The following XRCC3 variants were observed in gnomAD, a reference collection of about 807,000 sequenced individuals.
XRCC3 encodes X-ray repair cross complementing 3, also known as DNA repair protein XRCC3.
Under a neutral mutation model 29.2 loss-of-function variants are expected in XRCC3, and 34 were observed. That is an observed-to-expected ratio of 1.16 (90% CI 0.88 to 1.55). The LOEUF is 1.55. Among genes scored for constraint, XRCC3 ranks in the 40% most tolerant of loss-of-function variants. XRCC3 has a pLI of 0.00. For synonymous variants in XRCC3, 223 were observed against 211.3 expected (o/e 1.06, Z -0.48); for missense variants, 463 against 467.6 (o/e 0.99, Z 0.09).
At chr14:103,703,044 CTGT>C (rs2083289584) in intron 7 of XRCC3, 126 bp downstream of exon 7, 11 of 1,402,318 alleles carry the variant, frequency 7.8e-6, no homozygotes, top group Non-Finnish European at 8.7e-6. Context: ...ATGACCCATG[CTGT>C]GTTCAGAGCT....
At chr14:103,711,616 T>C (rs759662161) in intron 2 of XRCC3, 49 bp from the exon 3 acceptor site, 37 of 456,108 alleles carry the variant, frequency 8.1e-5, no homozygotes, top group Non-Finnish European at 1.6e-4. Flanking sequence ...TGCTCAGGGA[T>C]CCAAACATCA....
intron 5 of XRCC3, 97 bp from the exon 6 acceptor site, chr14:103,707,312 A>G: frequency 1.4e-6 from 2 of 1,435,414 alleles, no homozygotes; most frequent in Non-Finnish European, 1.9e-6. Context: ...TGCCAGGTGC[A>G]GTGTGGCTGG....
At chr14:103,706,875 G>A in intron 6 of XRCC3, 128 bp downstream of exon 6, 1 of 1,074,520 alleles carries the variant, frequency 9.3e-7, no homozygotes, top group Non-Finnish European at 1.4e-6. Flanking sequence ...ATCAGGGTGA[G>A]AAGGAGGGAG....
chr14:103,700,913 G>T (rs191465287), intron 7 of XRCC3, among the ~76,000 whole-genome samples: 214 of 152,316 alleles, frequency 1.4e-3, no homozygotes, highest in Non-Finnish European at 2.1e-3. Flanking sequence ...CCACAGAGTG[G>T]GGGGGTGGGA....
At chr14:103,700,527 A>C in intron 7 of XRCC3, 1 of 674,138 alleles carries the variant, frequency 1.5e-6, no homozygotes, top group Non-Finnish European at 2.5e-6. Flanking sequence ...GAGGCTGCTA[A>C]GGGGCCCCTA....
intron 6 of XRCC3, 92 bp downstream of exon 6, chr14:103,706,910 AG>A: frequency 7.4e-7 from 1 of 1,348,726 alleles, no homozygotes; most frequent in African/African-American, 1.4e-5. Flanking sequence ...ACAGCGCAAG[AG>A]GCGGCCACTG....
rs80224407 is a variant in XRCC3, at chr14:103,703,020, G to A, written c.561+153C>T. ...CATCCTCTGACCCCACCTGCTCCTC[G>A]GGCGTAAACCCCCATGACCCATGCT... On this transcript the variant is annotated intron_variant, in intron 7 of 9. Transcript: ENST00000555055. 1.2e-3 allele frequency: 1,494 copies of A among 1,199,438 alleles called. 18 individuals carry two copies. In the African/African-American group the frequency reaches 0.02, roughly 16 times the overall value. The allele number at this position is 1,199,438 out of a possible 1,614,324, so 74.3% of individuals were successfully genotyped here.
chr14:103,703,057 T>G, intron 7 of XRCC3, 116 bp downstream of exon 7: 1 of 1,481,696 alleles, frequency 6.7e-7, no homozygotes, highest in Non-Finnish European at 9.1e-7. Context: ...TGTTCAGAGC[T>G]GAGCCCCAAC....
At chr14:103,705,776 G>C (rs1009998482) in intron 6 of XRCC3, 1 of 156,560 alleles carries the variant, frequency 6.4e-6, no homozygotes, top group Non-Finnish European at 1.4e-5. Flanking sequence ...GGCCAACGGG[G>C]TGGAAGCTGA....
At chr14:103,710,639 G>T (rs1000961256) in intron 4 of XRCC3, 1 of 184,402 alleles carries the variant, frequency 5.4e-6, no homozygotes, top group Non-Finnish European at 1.1e-5. Context: ...TACTCGGGAG[G>T]CTGAGGCAGG....
chr14:103,710,943 A>C (rs1025660040), intron 4 of XRCC3, 90 bp downstream of exon 4: 45 of 1,348,010 alleles, frequency 3.3e-5, no homozygotes, highest in Middle Eastern at 1.8e-4. Context: ...CAAAGGAAGG[A>C]AGGCTTAGCC....
chr14:103,702,766 C>T (rs1181985895), intron 7 of XRCC3: 2 of 201,978 alleles, frequency 9.9e-6, no homozygotes, highest in African/African-American at 2.3e-5. Flanking sequence ...TCCTGAGCCT[C>T]CTCCTAGGCC....
chr14:103,711,218 AGGTGTCCGTGTCATCG>A lies in XRCC3; in HGVS notation c.-147_-132del. 1 of 957,458 alleles carries A rather than the reference AGGTGTCCGTGTCATCG, an allele frequency of 1.0e-6. No individual in the cohort carries two copies. The highest frequency in any genetic ancestry group is 1.9e-5 in the Admixed American group (1 of 51,804). 59.3% of individuals were successfully genotyped at this position (957,458 alleles called of 1,614,324 possible). Reference sequence around the variant, plus strand: ...CGAACCAGGGAAGTGACAGCAGCCGAGGTGTCCGTGTCATCGGGGCTCTGTCACTGAGGGTGGAGGA... The same window carrying A: ...CGAACCAGGGAAGTGACAGCAGCCGAGGGCTCTGTCACTGAGGGTGGAGGA... On this transcript the variant is annotated 5_prime_UTR_variant, in exon 4 of 10. The change abolishes an upstream ATG in the 5' untranslated region. Transcript: ENST00000555055.
chr14:103,708,652 C>A lies in XRCC3; in HGVS notation c.63G>T (p.Leu21=). The change falls in exon 5 of 10, where the codon CTG becomes CTT. Residue 21 remains leucine (L), a synonymous_variant. Coordinates refer to ENST00000555055, the MANE Select transcript of XRCC3 (RefSeq NM_005432.4). ...RIIAAIKKAK[L]KSVKEVLHFS... is the part of the protein sequence containing the mutation. Reference sequence around the variant, plus strand: ...AGTGTAAAACCTCCTTTACCGATTTCAGTTTGGCTGAAATAACACAGATAA... The same window carrying A: ...AGTGTAAAACCTCCTTTACCGATTTAAGTTTGGCTGAAATAACACAGATAA... 1 of 1,614,174 alleles carries A rather than the reference C, an allele frequency of 6.2e-7. No individual in the cohort carries two copies. Among genetic ancestry groups the A allele is most frequent in the Non-Finnish European group, 8.5e-7 (1 of 1,180,022 alleles).
At chr14:103,713,344 G>A (rs1462610167) in intron 1 of XRCC3, 6 of 152,470 alleles carry the variant, frequency 3.9e-5, no homozygotes, top group South Asian at 2.1e-4. Flanking sequence ...CACTGGCCTG[G>A]GAGCTCCACA....
chr14:103,708,160 G>T, intron 5 of XRCC3: 1 of 374,106 alleles, frequency 2.7e-6, no homozygotes, highest in Non-Finnish European at 5.1e-6. Flanking sequence ...CCCACACGTG[G>T]TGGTGGGACC....
intron 6 of XRCC3, chr14:103,706,482 C>T: frequency 4.6e-6 from 2 of 438,190 alleles, no homozygotes; most frequent in South Asian, 3.3e-5. Context: ...TCACAGCTCA[C>T]AGTTTAAAAC....
intron 2 of XRCC3, chr14:103,711,992 G>A: frequency 2.9e-6 from 1 of 347,154 alleles, no homozygotes; most frequent in South Asian, 2.2e-5. Context: ...GCAGAGGAAA[G>A]GGCGGGCCGT....
In XRCC3 at chr14:103,700,496, G is replaced by C. The variant is rs1050736050; in HGVS notation, c.562-920C>G. 7 of 566,454 alleles carry C rather than the reference G, an allele frequency of 1.2e-5. No individual in the cohort carries two copies. In the African/African-American group the frequency reaches 1.4e-4, roughly 11 times the overall value. 35.1% of individuals were successfully genotyped at this position (566,454 alleles called of 1,614,324 possible). On this transcript the variant is annotated intron_variant, in intron 7 of 9. Transcript: ENST00000555055. The stretch of plus-strand genomic sequence containing the variant: ...GTGTAGTTCAGGCCCCACGGGCCTT[G>C]CCAGCAGCTCTGGCCAGATGGAGGC...
Sources: allele counts gnomAD v4.1 joint callset (sites outside exome capture counted in the v4.1 genomes callset), GRCh38; gene constraint gnomAD v4.1.1; transcripts MANE v1.5; gene names NCBI Gene and HGNC (gene_info 2026-07-23, HGNC 2026-07-21).